DAB1: variants seen among roughly 807,000 people sequenced by gnomAD.
DAB1 encodes disabled homolog 1.
In DAB1, 15 loss-of-function variants were observed where a neutral mutation model predicts 64.6. That is an observed-to-expected ratio of 0.23 (90% CI 0.16 to 0.36). DAB1 has a LOEUF of 0.36. DAB1 is among the 10% of genes least tolerant of loss of function. The pLI is 1.00. For synonymous variants in DAB1, 235 were observed against 251.9 expected, an observed-to-expected ratio of 0.93 and a Z score of 0.64; for missense variants, 596 against 706.7, an observed-to-expected ratio of 0.84 and a Z score of 1.78.
At chr1:57,500,292 G>A (rs927037610) in intron 7 of DAB1, among the ~76,000 whole-genome samples, 2 of 152,256 alleles carry the variant, frequency 1.3e-5, no homozygotes, top group South Asian at 2.1e-4. Flanking sequence ...AAATTTCAAC[G>A]GCAGGAGCCT....
intron 1 of DAB1, among the ~76,000 whole-genome samples, chr1:57,302,437 C>T (rs552884568): frequency 2.3e-4 from 35 of 152,262 alleles, no homozygotes; most frequent in African/African-American, 7.9e-4. Flanking sequence ...CTTCCCTGAC[C>T]ACCTTCCTGC....
chr1:58,132,060 A>G (rs4595383), intron 5 of DAB1, among the ~76,000 whole-genome samples: 34,509 of 151,752 alleles, frequency 0.23, 4,298 homozygotes, highest in East Asian at 0.43. Context: ...CCCCAGCCTC[A>G]ATGCCGCCTT....
intron 1 of DAB1, among the ~76,000 whole-genome samples, chr1:57,378,769 TG>T (rs936059631): frequency 9.9e-5 from 15 of 152,206 alleles, no homozygotes; most frequent in African/African-American, 2.7e-4. Flanking sequence ...GTACAAAATT[TG>T]GCAGTGCAGC....
At chr1:57,842,463 A>G (rs1653097331) in intron 1 of DAB1, among the ~76,000 whole-genome samples, 1 of 151,976 alleles carries the variant, frequency 6.6e-6, no homozygotes, top group Non-Finnish European at 1.5e-5. Context: ...CTCAGTACCA[A>G]TTTTCTATAC....
chr1:57,381,889 G>T (rs1681410188), intron 1 of DAB1, among the ~76,000 whole-genome samples: 1 of 152,142 alleles, frequency 6.6e-6, no homozygotes, highest in Non-Finnish European at 1.5e-5. Context: ...GATAGCCCCT[G>T]GTCCTGGGGT....
At chr1:57,314,338 A>G (rs150364878) in intron 1 of DAB1, among the ~76,000 whole-genome samples, 15 of 152,336 alleles carry the variant, frequency 9.8e-5, no homozygotes, top group African/African-American at 3.6e-4. Flanking sequence ...AGAAAAATCA[A>G]TGTCCCAGGC....
At chr1:57,183,752 CT>C in intron 2 of DAB1, among the ~76,000 whole-genome samples, 1 of 152,298 alleles carries the variant, frequency 6.6e-6, no homozygotes, top group African/African-American at 2.4e-5. Context: ...ACAAAACTTC[CT>C]CTCCTCAGAG....
intron 6 of DAB1, among the ~76,000 whole-genome samples, chr1:57,666,718 G>C (rs1203802038): frequency 6.6e-6 from 1 of 152,110 alleles, no homozygotes. Flanking sequence ...TTCTCATGCT[G>C]TGACTCTATT....
chr1:58,011,891 A>G (rs1021601594), intron 5 of DAB1, among the ~76,000 whole-genome samples: 2 of 152,068 alleles, frequency 1.3e-5, no homozygotes, highest in East Asian at 3.9e-4. Flanking sequence ...GGGTTTTGCT[A>G]TGTTGGCTAG....
chr1:58,337,143 G>A (rs984764914), intron 4 of DAB1, among the ~76,000 whole-genome samples: 5 of 151,818 alleles, frequency 3.3e-5, no homozygotes, highest in African/African-American at 7.3e-5. Context: ...TTAGCCAGGC[G>A]TGGCGATGCG....
intron 2 of DAB1, among the ~76,000 whole-genome samples, chr1:57,193,166 CCTGT>C (rs1240621273): frequency 6.6e-6 from 1 of 152,026 alleles, no homozygotes; most frequent in Non-Finnish European, 1.5e-5. Flanking sequence ...ACTTCTTCCT[CCTGT>C]CTAACTGAAA....
chr1:57,368,281 G>A (rs1449848483), intron 1 of DAB1, among the ~76,000 whole-genome samples: 1 of 152,222 alleles, frequency 6.6e-6, no homozygotes, highest in Non-Finnish European at 1.5e-5. Context: ...GGCAGCAGGA[G>A]GGAGACAGGT....
intron 1 of DAB1, chr1:58,533,938 A>C (rs1007640740): frequency 1.0e-5 from 9 of 869,456 alleles, no homozygotes; most frequent in Non-Finnish European, 1.8e-5. Context: ...CTGAACATTC[A>C]TTTTAGGTAC....
chr1:57,129,180 A>G (rs114239185), intron 4 of DAB1, among the ~76,000 whole-genome samples: 3,294 of 152,242 alleles, frequency 0.022, 140 homozygotes, highest in African/African-American at 0.076. Flanking sequence ...CTGCTTGGAA[A>G]CATTCATGGT....
chr1:57,188,053 C>T lies in DAB1; in HGVS notation c.68-42624G>A, dbSNP rs145635671. 4.9e-3 allele frequency among the ~76,000 whole-genome samples: 743 copies of T among 152,276 alleles called. 2 individuals are homozygous for T. Among genetic ancestry groups the T allele is most frequent in the Middle Eastern group, 0.01 (3 of 294 alleles). Reference sequence around the variant, plus strand: ...GAACATAGGAAAGATGCAACAAATGCTAGCTCTAACTTACTGAAGTAGTGT... The same window carrying T: ...GAACATAGGAAAGATGCAACAAATGTTAGCTCTAACTTACTGAAGTAGTGT... On this transcript the variant is annotated intron_variant, in intron 2 of 14. Coordinates refer to ENST00000371236, the MANE Select transcript of DAB1 (RefSeq NM_001365792.1).
intron 1 of DAB1, among the ~76,000 whole-genome samples, chr1:57,839,197 T>C (rs1391850604): frequency 6.6e-6 from 1 of 152,072 alleles, no homozygotes; most frequent in African/African-American, 2.4e-5. Flanking sequence ...AATGAATCGG[T>C]TAAAAAAATA....
At chr1:58,147,529 T>C (rs539780198) in intron 5 of DAB1, among the ~76,000 whole-genome samples, 1 of 150,128 alleles carries the variant, frequency 6.7e-6, no homozygotes, top group East Asian at 2.0e-4. Flanking sequence ...GGCAGGAGAA[T>C]GGCAAGAACC....
chr1:57,001,823 T>C (rs1430011487), intron 14 of DAB1, among the ~76,000 whole-genome samples: 1 of 152,168 alleles, frequency 6.6e-6, no homozygotes, highest in Non-Finnish European at 1.5e-5. Flanking sequence ...CTAGCTGAAA[T>C]ATCAAGGCTT....
chr1:57,797,261 G>T (rs756935639), intron 6 of DAB1, among the ~76,000 whole-genome samples: 11 of 152,152 alleles, frequency 7.2e-5, no homozygotes, highest in Admixed American at 5.2e-4. Context: ...CTGCTCCCAT[G>T]GCTTTCCTGT....
Sources: gnomAD v4.1 joint callset for allele counts (sites outside exome capture counted in the v4.1 genomes callset) on GRCh38, gnomAD v4.1.1 for gene constraint, MANE v1.5 for transcripts, NCBI Gene and HGNC (gene_info 2026-07-23, HGNC 2026-07-21) for gene names.